Variants in NDC1 observed in about 807,000 individuals in gnomAD.
The protein encoded by NDC1 is NDC1 transmembrane nucleoporin.
A neutral mutation model predicts 89.8 loss-of-function variants in NDC1; 24 were observed. That is an observed-to-expected ratio of 0.27 (90% CI 0.19 to 0.38). The LOEUF (loss-of-function observed/expected upper bound fraction) is 0.38. Among genes scored for constraint, NDC1 ranks in the 10% least tolerant of loss-of-function variants. The pLI is 1.00. For synonymous variants in NDC1, 296 were observed against 284.8 expected (o/e 1.04, Z -0.39); for missense variants, 728 against 797.6 (o/e 0.91, Z 1.05).
chr1:53,796,945 A>G lies in NDC1; in HGVS notation c.1422T>C (p.Ser474=). 1 of 1,614,204 alleles carries G rather than the reference A, an allele frequency of 6.2e-7. No homozygotes were observed. The highest frequency in any genetic ancestry group is 8.5e-7 in the Non-Finnish European group (1 of 1,180,032). The part of the protein sequence containing the change: ...DVNTCYGSPQ[S]PQLIRRGPRL... The stretch of plus-strand genomic sequence containing the variant: ...TTGGCCCCCTTCTTATTAGCTGAGG[A>G]CTTTGCGGTGACCCATAGCAGGTGT... The change falls in exon 12 of 18, where the codon AGT becomes AGC. Residue 474 remains serine, a synonymous_variant. Transcript: ENST00000371429.
chr1:53,833,985 C>T (rs996519593), intron 2 of NDC1, among the ~76,000 whole-genome samples: 6 of 152,010 alleles, frequency 3.9e-5, no homozygotes, highest in African/African-American at 1.5e-4. Flanking sequence ...TGCATGCCAC[C>T]ACACCCAGGC....
chr1:53,808,070 A>T (rs1648174072), intron 7 of NDC1, among the ~76,000 whole-genome samples: 1 of 152,208 alleles, frequency 6.6e-6, no homozygotes, highest in South Asian at 2.1e-4. Context: ...TAAGCCTATA[A>T]GCCTCACTAC....
rs573515930 is a variant in NDC1 at position 53,825,950 on chromosome 1, A to T, written c.456-14T>A. The T allele has an allele frequency of 1.2e-6, 2 of 1,609,570 alleles. No individual in the cohort carries two copies. The highest frequency in any genetic ancestry group is 1.3e-5 in the African/African-American group (1 of 74,938). On this transcript the variant is annotated splice_polypyrimidine_tract_variant and intron_variant, in intron 4 of 17. Coordinates refer to ENST00000371429, the MANE Select transcript of NDC1 (RefSeq NM_018087.5). ...GGGCTACCAAAGCTGAAGGGAAAAA[A>T]TTAAGTTATTAATTCAACAGTCAGG...
chr1:53,795,636 C>T (rs191392471), intron 13 of NDC1, among the ~76,000 whole-genome samples: 156 of 152,248 alleles, frequency 1.0e-3, no homozygotes, highest in Non-Finnish European at 1.6e-3. Flanking sequence ...AATCCTATTC[C>T]ATCTAACTTA....
chr1:53,794,360 G>C (rs1236160585), intron 13 of NDC1, among the ~76,000 whole-genome samples: 2 of 152,190 alleles, frequency 1.3e-5, no homozygotes, highest in South Asian at 2.1e-4. Flanking sequence ...ACTTAAAAGT[G>C]AATCTGCTCC....
At chr1:53,792,854 C>T (rs1251462057) in intron 14 of NDC1, among the ~76,000 whole-genome samples, 2 of 152,234 alleles carry the variant, frequency 1.3e-5, no homozygotes, top group African/African-American at 4.8e-5. Context: ...CATCATCTCT[C>T]TTTTGAACAC....
Position 53,832,101 on chromosome 1 carries a change from T to C in NDC1, c.280+389A>G, listed in dbSNP as rs1054798897. Reference sequence around the variant, plus strand: ...TAAGTACACAGTTCTGCGGCATAAGTACACTCATATTGTTGTATAACCACT... The same window carrying C: ...TAAGTACACAGTTCTGCGGCATAAGCACACTCATATTGTTGTATAACCACT... On this transcript the variant is annotated intron_variant, in intron 3 of 17. Transcript: ENST00000371429. Among the ~76,000 whole-genome samples the C allele has an allele frequency of 6.6e-5, 10 of 152,228 alleles. No individual in the cohort carries two copies. In the East Asian group the frequency reaches 9.7e-4, roughly 15 times the overall value.
Position 53,803,910 on chromosome 1 carries a change from T to C in NDC1, c.1066+18A>G. On this transcript the variant is annotated intron_variant, in intron 10 of 17. Coordinates refer to ENST00000371429, the MANE Select transcript of NDC1 (RefSeq NM_018087.5). ...CTACACACATATGCCTAATCAAGTC[T>C]ATTACTTTTAGCAATACCTGGTTGG... 2 of 1,578,746 alleles carry C rather than the reference T, an allele frequency of 1.3e-6. No homozygotes were observed. Among genetic ancestry groups the C allele is most frequent in the Admixed American group, 3.3e-5 (2 of 59,942 alleles).
rs369960654 is a variant in NDC1, at chr1:53,825,453, C to CAAAAAAAAAAAAAAAAAAAAAAA, written c.594+344_594+345insTTTTTTTTTTTTTTTTTTTTTTT. Among the ~76,000 whole-genome samples the CAAAAAAAAAAAAAAAAAAAAAAA allele has an allele frequency of 6.1e-4, 77 of 125,762 alleles. 1 individual carries two copies. Among genetic ancestry groups the CAAAAAAAAAAAAAAAAAAAAAAA allele is most frequent in the African/African-American group, 2.4e-3 (71 of 29,136 alleles). The allele number at this position is 125,762 out of a possible 152,430, so 82.5% of individuals were successfully genotyped here. ...CTGGGCAAAGAAGCGAGACTGTCTC[C>CAAAAAAAAAAAAAAAAAAAAAAA]AAAAAAAAAGAAGCTACACAGAGTA... On this transcript the variant is annotated intron_variant, in intron 5 of 17. Transcript: ENST00000371429.
At chr1:53,781,016 G>A (rs574373974) in intron 16 of NDC1, among the ~76,000 whole-genome samples, 6 of 151,860 alleles carry the variant, frequency 4.0e-5, no homozygotes, top group Non-Finnish European at 8.8e-5. Context: ...ATCACACCTG[G>A]CAAATTTTTA....
At chr1:53,784,068 T>C (rs1368739963) in intron 16 of NDC1, among the ~76,000 whole-genome samples, 2 of 152,214 alleles carry the variant, frequency 1.3e-5, no homozygotes, top group African/African-American at 2.4e-5. Context: ...AATTTTGGTA[T>C]AGAATACCTC....
At chr1:53,787,284 A>G in intron 15 of NDC1, 26 bp from the exon 16 acceptor site, 1 of 1,325,350 alleles carries the variant, frequency 7.5e-7, no homozygotes. Context: ...AAAAAGGTTA[A>G]AAGTCAATCA....
chr1:53,821,965 T>G (rs1648682251), intron 5 of NDC1, among the ~76,000 whole-genome samples: 1 of 152,258 alleles, frequency 6.6e-6, no homozygotes, highest in Admixed American at 6.5e-5. Flanking sequence ...CATTAAGAAT[T>G]ATTTTTGTTC....
chr1:53,796,163 GCT>G (rs1312079943), intron 13 of NDC1, among the ~76,000 whole-genome samples: 1 of 152,106 alleles, frequency 6.6e-6, no homozygotes, highest in African/African-American at 2.4e-5. Context: ...TGTCTTCCTT[GCT>G]CTGTTTTTCT....
At chr1:53,792,480 A>T (rs751256941) in intron 14 of NDC1, among the ~76,000 whole-genome samples, 7 of 152,192 alleles carry the variant, frequency 4.6e-5, no homozygotes, top group Non-Finnish European at 7.3e-5. Context: ...CCTCTTTTCC[A>T]CCAGAGTATG....
chr1:53,807,577 G>C, intron 8 of NDC1, 79 bp downstream of exon 8: 2 of 1,254,442 alleles, frequency 1.6e-6, no homozygotes, highest in South Asian at 1.5e-5. Context: ...TGCGTGTGCT[G>C]ATCAGTGTGC....
rs561614913 is a variant in NDC1 at position 53,804,555 on chromosome 1, C to T, written c.985-546G>A. On this transcript the variant is annotated intron_variant, in intron 9 of 17. Transcript: ENST00000371429. ...GCAGTGATGTGATCTCGGCTCACTG[C>T]TACCTCCGCCTTACGGGTTCAAGCA... is the stretch of plus-strand genomic sequence containing the variant. Among the ~76,000 whole-genome samples the T allele has an allele frequency of 1.6e-4, 25 of 152,276 alleles. No homozygotes were observed. In the South Asian group the frequency reaches 5.0e-3, roughly 30 times the overall value.
intron 14 of NDC1, among the ~76,000 whole-genome samples, chr1:53,791,474 C>T (rs559304801): frequency 6.6e-6 from 1 of 151,970 alleles, no homozygotes; most frequent in East Asian, 1.9e-4. Flanking sequence ...CCAATTCTAT[C>T]CATGTTGCTG....
At chr1:53,831,141 C>T (rs770543748) in intron 3 of NDC1, among the ~76,000 whole-genome samples, 6 of 151,392 alleles carry the variant, frequency 4.0e-5, no homozygotes, top group African/African-American at 1.5e-4. Context: ...GGGAGAACGG[C>T]GTGAACCTAG....
Sources: allele counts gnomAD v4.1 joint callset (sites outside exome capture counted in the v4.1 genomes callset), GRCh38; gene constraint gnomAD v4.1.1; transcripts MANE v1.5; gene names NCBI Gene and HGNC (gene_info 2026-07-23, HGNC 2026-07-21).